Variants in CENPC observed in about 807,000 individuals in gnomAD.
CENPC encodes the protein CENP-C 1.
Under a neutral mutation model 112.1 loss-of-function variants are expected in CENPC, and 63 were observed. That is an observed-to-expected ratio of 0.56 (90% confidence interval 0.46 to 0.69). CENPC has a LOEUF of 0.69. Among genes scored for constraint, CENPC ranks in the 30% least tolerant of loss-of-function variants. The pLI is 0.00. For synonymous variants in CENPC, 333 were observed against 367.6 expected, an observed-to-expected ratio of 0.91 and a Z score of 1.08; for missense variants, 1,000 against 1,103.8, an observed-to-expected ratio of 0.91 and a Z score of 1.33.
intron 16 of CENPC, among the ~76,000 whole-genome samples, chr4:67,490,837 AAT>A (rs57498869): frequency 0.021 from 1,175 of 56,974 alleles, 5 homozygotes; most frequent in African/African-American, 0.044. Context: ...TATAGAAATA[AAT>A]ATATATATAT....
At chr4:67,522,629 T>C (rs946917257) in intron 5 of CENPC, among the ~76,000 whole-genome samples, 2 of 152,272 alleles carry the variant, frequency 1.3e-5, no homozygotes, top group East Asian at 1.9e-4. Flanking sequence ...GTATTACATA[T>C]GCCACATTCA....
chr4:67,497,326 C>T (rs1207466666), intron 12 of CENPC, among the ~76,000 whole-genome samples: 6 of 151,006 alleles, frequency 4.0e-5, no homozygotes, highest in Non-Finnish European at 7.4e-5. Context: ...TGCAGTGAGC[C>T]GAGATCACAC....
chr4:67,473,426 G>C (rs920636773), intron 18 of CENPC, among the ~76,000 whole-genome samples: 2 of 152,288 alleles, frequency 1.3e-5, no homozygotes, highest in Non-Finnish European at 2.9e-5. Context: ...TAAGGATTAT[G>C]CAAGTATGGC....
chr4:67,508,231 T>A (rs1014104233), intron 10 of CENPC, among the ~76,000 whole-genome samples: 4 of 152,144 alleles, frequency 2.6e-5, no homozygotes, highest in African/African-American at 9.7e-5. Flanking sequence ...AATTTTATGT[T>A]ATGTGTTTTT....
intron 7 of CENPC, among the ~76,000 whole-genome samples, chr4:67,517,231 G>A (rs964947119): frequency 5.3e-5 from 8 of 151,654 alleles, no homozygotes; most frequent in South Asian, 2.1e-4. Context: ...GCACCGTCTC[G>A]ACTCACTGCA....
chr4:67,530,178 A>ATAAGCTATAAGCTTAAAGC (rs1216305585), intron 5 of CENPC, among the ~76,000 whole-genome samples: 12 of 152,250 alleles, frequency 7.9e-5, no homozygotes, highest in African/African-American at 2.4e-4. Context: ...ACTTAAAGCT[A>ATAAGCTATAAGCTTAAAGC]TAAAAGTCAC....
intron 17 of CENPC, among the ~76,000 whole-genome samples, chr4:67,480,413 G>A (rs370391390): frequency 1.3e-5 from 2 of 150,698 alleles, no homozygotes; most frequent in East Asian, 1.9e-4. Flanking sequence ...TATCAGAAAA[G>A]AGACAAATTC....
At position 67,545,336 on chromosome 4, in the gene CENPC, A is replaced by G; in HGVS notation, c.18+2T>C. ...CGCCTGGAGCGGGGGGCCTGCACTTACCAGACCGGACGCAGCCATGTTCCG... is the reference window on the plus strand; with the variant it reads ...CGCCTGGAGCGGGGGGCCTGCACTTGCCAGACCGGACGCAGCCATGTTCCG... On this transcript the variant is annotated splice_donor_variant, in intron 1 of 18. Coordinates refer to ENST00000273853, the MANE Select transcript of CENPC (RefSeq NM_001812.4). LOFTEE classifies it high-confidence loss of function. 1 of 1,519,600 alleles carries G rather than the reference A, an allele frequency of 6.6e-7. No individual in the cohort carries two copies. 94.1% of individuals were successfully genotyped at this position (1,519,600 alleles called of 1,614,324 possible). A position where few individuals can be genotyped will look rare whatever the true frequency, so the allele number is the denominator to read the frequency against.
intron 11 of CENPC, among the ~76,000 whole-genome samples, chr4:67,506,137 A>AT (rs1178336842): frequency 3.2e-4 from 49 of 152,074 alleles, no homozygotes; most frequent in Non-Finnish European, 1.6e-4. Context: ...CCCTTTATTC[A>AT]TTTTTTAAAA....
At chr4:67,505,991 C>T (rs1424977598) in intron 11 of CENPC, among the ~76,000 whole-genome samples, 4 of 152,072 alleles carry the variant, frequency 2.6e-5, no homozygotes, top group African/African-American at 4.8e-5. Flanking sequence ...CAGAAATTGT[C>T]AGAGATGATT....
chr4:67,492,034 T>C (rs1725297249), intron 16 of CENPC, 146 bp downstream of exon 16: 1 of 548,830 alleles, frequency 1.8e-6, no homozygotes, highest in South Asian at 2.7e-5. Context: ...TTCACATAGG[T>C]TGCTCGTTGG....
rs188516036 is a variant in CENPC, at chr4:67,545,315, T to G, written c.18+23A>C. 2,040 of 1,467,604 alleles carry G rather than the reference T, an allele frequency of 1.4e-3. 45 individuals carry two copies. In the Admixed American group the frequency reaches 0.041, roughly 30 times the overall value. The allele number at this position is 1,467,604 out of a possible 1,614,324, so 90.9% of individuals were successfully genotyped here. On this transcript the variant is annotated intron_variant, in intron 1 of 18. Transcript: ENST00000273853. ...CCAGCCAGCCGCTCAACCACTCGCCTGGAGCGGGGGGCCTGCACTTACCAG... is the reference window on the plus strand; with the variant it reads ...CCAGCCAGCCGCTCAACCACTCGCCGGGAGCGGGGGGCCTGCACTTACCAG...
chr4:67,499,828 A>T (rs1725542629), intron 12 of CENPC, among the ~76,000 whole-genome samples: 1 of 152,148 alleles, frequency 6.6e-6, no homozygotes, highest in South Asian at 2.1e-4. Flanking sequence ...CTAGCTTTTG[A>T]TTTAAAGTGA....
chr4:67,490,864 AT>A (rs1256808298), intron 16 of CENPC, among the ~76,000 whole-genome samples: 29,912 of 104,648 alleles, frequency 0.29, 3,589 homozygotes, highest in East Asian at 0.42. Context: ...ATATATATAT[AT>A]ATATATATAT....
In CENPC at chr4:67,518,882, C is replaced by A. The variant is rs564011848; in HGVS notation, c.617+335G>T. 2.0e-5 allele frequency among the ~76,000 whole-genome samples: 3 copies of A among 151,956 alleles called. No individual in the cohort carries two copies. The South Asian group carries it at 6.3e-4, about 32-fold the overall frequency. On this transcript the variant is annotated intron_variant, in intron 6 of 18. Coordinates refer to ENST00000273853, the MANE Select transcript of CENPC (RefSeq NM_001812.4). ...CCTCAATAATACTTATGCTCTGCTA[C>A]CCTTGAAGTGACCTGATACACATCT... is the stretch of plus-strand genomic sequence containing the variant.
intron 17 of CENPC, among the ~76,000 whole-genome samples, chr4:67,489,333 C>A (rs1725176656): frequency 2.6e-5 from 4 of 151,724 alleles, no homozygotes; most frequent in Non-Finnish European, 5.9e-5. Flanking sequence ...ACTGACTCAC[C>A]TTGAATCTCA....
At chr4:67,538,039 A>G (rs944280970) in intron 4 of CENPC, among the ~76,000 whole-genome samples, 1 of 152,160 alleles carries the variant, frequency 6.6e-6, no homozygotes, top group Non-Finnish European at 1.5e-5. Flanking sequence ...GCAAAGAGAA[A>G]ACTCCTATGA....
intron 5 of CENPC, among the ~76,000 whole-genome samples, chr4:67,529,549 C>T (rs1288384912): frequency 6.6e-6 from 1 of 152,118 alleles, no homozygotes; most frequent in Non-Finnish European, 1.5e-5. Flanking sequence ...TGGTCTCAAA[C>T]TCCTGACCTC....
intron 17 of CENPC, among the ~76,000 whole-genome samples, chr4:67,487,381 A>G (rs1725122811): frequency 6.6e-6 from 1 of 151,714 alleles, no homozygotes; most frequent in Non-Finnish European, 1.5e-5. Context: ...ATATCAATCT[A>G]CTGAAGTTAT....
Sources: allele counts gnomAD v4.1 joint callset (sites outside exome capture counted in the v4.1 genomes callset), GRCh38; gene constraint gnomAD v4.1.1; transcripts MANE v1.5; gene names NCBI Gene and HGNC (gene_info 2026-07-23, HGNC 2026-07-21).